P3H2: variants seen among roughly 807,000 people sequenced by gnomAD.
The protein encoded by P3H2 is leprecan-like 1.
In P3H2, 80 loss-of-function variants were observed where a neutral mutation model predicts 87.0. That is an observed-to-expected ratio of 0.92 (90% confidence interval 0.77 to 1.11). P3H2 has a LOEUF of 1.11. Ranked by LOEUF, P3H2 falls within the 50% of genes least tolerant of loss-of-function variation. The probability of loss-of-function intolerance (pLI) is 0.00; values close to 1 mark genes in which losing one functional copy is unlikely to be tolerated. For missense variants in P3H2, 1,001 were observed against 923.9 expected, an observed-to-expected ratio of 1.08 and a Z score of -1.08; for synonymous variants, 367 against 359.3, an observed-to-expected ratio of 1.02 and a Z score of -0.24.
Position 190,119,165 on chromosome 3 carries a change from GGGAGGGGAGAGGAGAGGAGAGGAGA to G in P3H2, c.480+1062_480+1086del, listed in dbSNP as rs1333772638. 6.0e-3 allele frequency among the ~76,000 whole-genome samples: 298 copies of G among 49,902 alleles called. 3 individuals are homozygous for G. Among genetic ancestry groups the G allele is most frequent in the African/African-American group, 0.024 (275 of 11,554 alleles). The allele number at this position is 49,902 out of a possible 152,430, so 32.7% of individuals were successfully genotyped here. ...GGGAGGGGAGGGGAGGGGAGGGGAG[GGGAGGGGAGAGGAGAGGAGAGGAGA>G]GGAGGGGAGAGGAGAGGAGAAAAGA... On this transcript the variant is annotated intron_variant, in intron 1 of 14. Coordinates refer to ENST00000319332, the MANE Select transcript of P3H2 (RefSeq NM_018192.4).
intron 1 of P3H2, among the ~76,000 whole-genome samples, chr3:190,052,980 C>T (rs1726031535): frequency 6.6e-6 from 1 of 152,134 alleles, no homozygotes; most frequent in African/African-American, 2.4e-5. Context: ...TTTTATAAAA[C>T]TTTATATGAA....
intron 14 of P3H2, 163 bp downstream of exon 14, chr3:189,963,795 G>T: frequency 1.4e-6 from 1 of 739,456 alleles, no homozygotes; most frequent in East Asian, 2.5e-5. Context: ...AAATATCATT[G>T]ACACAGCTAT....
At chr3:190,048,141 C>G (rs779573234) in intron 1 of P3H2, among the ~76,000 whole-genome samples, 1 of 152,062 alleles carries the variant, frequency 6.6e-6, no homozygotes, top group Non-Finnish European at 1.5e-5. Context: ...TTTCTTCTCT[C>G]TTTTTAAAAA....
chr3:190,016,321 G>A (rs1291596583), intron 1 of P3H2, among the ~76,000 whole-genome samples: 3 of 151,088 alleles, frequency 2.0e-5, no homozygotes, highest in East Asian at 2.0e-4. Context: ...TCGGCGCACT[G>A]CAACCTCCAC....
intron 2 of P3H2, among the ~76,000 whole-genome samples, chr3:189,995,061 T>A (rs914592023): frequency 6.6e-6 from 1 of 152,052 alleles, no homozygotes; most frequent in African/African-American, 2.4e-5. Flanking sequence ...AAATTTTTAA[T>A]TTTTTAGTTT....
At chr3:190,120,215 G>A in intron 1 of P3H2, 37 bp downstream of exon 1, 1 of 1,598,780 alleles carries the variant, frequency 6.3e-7, no homozygotes, top group Non-Finnish European at 8.5e-7. Context: ...TGTGAGAGCC[G>A]CAGGGGCTTT....
chr3:190,108,076 G>T (rs1395317471), intron 1 of P3H2, among the ~76,000 whole-genome samples: 2 of 151,828 alleles, frequency 1.3e-5, no homozygotes, highest in African/African-American at 4.8e-5. Flanking sequence ...CAAAGTGTTG[G>T]GATTACAGGC....
Position 190,044,444 on chromosome 3 carries a change from T to C in P3H2, c.481-49002A>G, listed in dbSNP as rs765715. Among the ~76,000 whole-genome samples the C allele has an allele frequency of 2.7e-4, 41 of 152,326 alleles. No homozygotes were observed. In the East Asian group the frequency reaches 7.5e-3, roughly 28 times the overall value. On this transcript the variant is annotated intron_variant, in intron 1 of 14. Transcript: ENST00000319332. ...GCAGCTGCCACACCTCTCGCTAGAA[T>C]GCAGTGCACACAGAAAACAGTTCTG...
intron 3 of P3H2, among the ~76,000 whole-genome samples, 192 bp from the exon 4 acceptor site, chr3:189,989,230 C>T (rs1398244844): frequency 3.3e-5 from 5 of 152,176 alleles, no homozygotes; most frequent in Admixed American, 6.5e-5. Context: ...TCCTGGTCAG[C>T]GATCACTAGA....
In P3H2 at chr3:190,120,497, C is replaced by T. The variant is rs962065723; in HGVS notation, c.235G>A (p.Glu79Lys). The change falls in exon 1 of 15, where the codon GAA becomes AAA. Residue 79 changes from glutamate to lysine, a missense_variant. Glu to Lys is a moderately conservative substitution (Grantham distance 56). Coordinates refer to ENST00000319332, the MANE Select transcript of P3H2 (RefSeq NM_018192.4). ...AALRSHRRLR[E>K]IRTRCARHCA... is the part of the protein sequence containing the mutation. ...TGGCGGGCACAGCGCGTGCGGATTT[C>T]CCGCAGGCGCCGGTGGCTGCGCAGC... 3.4e-6 allele frequency: 5 copies of T among 1,461,020 alleles called. No homozygotes were observed. The highest frequency in any genetic ancestry group is 4.5e-6 in the Non-Finnish European group (5 of 1,113,296). The allele number at this position is 1,461,020 out of a possible 1,614,324, so 90.5% of individuals were successfully genotyped here.
Position 189,995,300 on chromosome 3 carries a change from T to G in P3H2, c.623A>C (p.Lys208Thr). 2 of 1,614,118 alleles carry G rather than the reference T, an allele frequency of 1.2e-6. No homozygotes were observed. ...EALQLVDREA[K>T]PHMESYNAGV... ...GCCCACAGAGCTTACCATGTGTGGCTTGGCTTCTCTGTCTACCAACTGCAA... is the reference window on the plus strand; with the variant it reads ...GCCCACAGAGCTTACCATGTGTGGCGTGGCTTCTCTGTCTACCAACTGCAA... The change falls in exon 2 of 15, where the codon AAG becomes ACG. Residue 208 changes from lysine (K) to threonine (T), a missense_variant. Transcript: ENST00000319332.
intron 6 of P3H2, among the ~76,000 whole-genome samples, chr3:189,986,383 G>A (rs1221951019): frequency 6.6e-6 from 1 of 152,094 alleles, no homozygotes; most frequent in Non-Finnish European, 1.5e-5. Context: ...TCAGGAGTCC[G>A]AGACTAGCCT....
chr3:190,013,741 G>A (rs1724667260), intron 1 of P3H2, among the ~76,000 whole-genome samples: 1 of 152,100 alleles, frequency 6.6e-6, no homozygotes, highest in Admixed American at 6.5e-5. Flanking sequence ...TCTTTTACAG[G>A]TCCAGAGAGT....
rs755039988 is a variant in P3H2 at position 189,989,027 on chromosome 3, G to A, written c.835C>T (p.Gln279Ter). 6.2e-7 allele frequency: 1 copy of A among 1,613,980 alleles called. No individual in the cohort carries two copies. The highest frequency in any genetic ancestry group is 1.3e-5 in the African/African-American group (1 of 74,900). ...LYEAIADHYM[Q>*]VLVCQHECVR... ...CATTCATGCTGACAAACAAGCACCT[G>A]CATGTAGTGATCTGGAAGACAAGAG... The change falls in exon 4 of 15, where the codon CAG (glutamine) becomes TAG (stop). Residue 279 changes from glutamine to a stop codon, truncating the protein, a stop_gained. Coordinates refer to ENST00000319332, the MANE Select transcript of P3H2 (RefSeq NM_018192.4). LOFTEE classifies it high-confidence loss of function.
chr3:190,102,600 T>C (rs1456886279), intron 1 of P3H2, among the ~76,000 whole-genome samples: 1 of 152,190 alleles, frequency 6.6e-6, no homozygotes, highest in Admixed American at 6.5e-5. Flanking sequence ...TTCTTAAGGA[T>C]GAGCAAAAAA....
rs929759678 is a variant in P3H2 at position 189,971,739 on chromosome 3, T to C, written c.1817+151A>G. 28 of 663,246 alleles carry C rather than the reference T, an allele frequency of 4.2e-5. No homozygotes were observed. The African/African-American group carries it at 4.5e-4, about 11-fold the overall frequency. The allele number at this position is 663,246 out of a possible 1,614,324, so 41.1% of individuals were successfully genotyped here. A position where few individuals can be genotyped will look rare whatever the true frequency, so the allele number is the denominator to read the frequency against. ...AAAAGTGAGATGATAATGCCACTTA[T>C]TGGTTATGGCAGCTACTTCAGAAGA... On this transcript the variant is annotated intron_variant, in intron 12 of 14. Transcript: ENST00000319332.
intron 1 of P3H2, among the ~76,000 whole-genome samples, chr3:190,059,528 C>T (rs757353549): frequency 7.9e-5 from 12 of 152,084 alleles, no homozygotes; most frequent in Non-Finnish European, 1.6e-4. Flanking sequence ...AATGAGAAAG[C>T]TCTGAACTAC....
intron 13 of P3H2, chr3:189,969,485 T>A (rs1003188615): frequency 1.0e-6 from 1 of 953,322 alleles, no homozygotes; most frequent in Admixed American, 1.7e-5. Flanking sequence ...ATGACTTCCA[T>A]CATAGAGGGA....
rs571474250 is a variant in P3H2 at position 190,104,345 on chromosome 3, C to T, written c.480+15907G>A. Among the ~76,000 whole-genome samples, 14 of 152,238 alleles carry T rather than the reference C, an allele frequency of 9.2e-5. 1 individual carries two copies. The South Asian group carries it at 2.9e-3, about 32-fold the overall frequency. On this transcript the variant is annotated intron_variant, in intron 1 of 14. Coordinates refer to ENST00000319332, the MANE Select transcript of P3H2 (RefSeq NM_018192.4). ...GTCAGCTGGTCCGAGACAGCATGGACTTCCACCCACTCCCCTCCACTCCAG... is the reference window on the plus strand; with the variant it reads ...GTCAGCTGGTCCGAGACAGCATGGATTTCCACCCACTCCCCTCCACTCCAG...
Sources: gnomAD v4.1 joint callset for allele counts (sites outside exome capture counted in the v4.1 genomes callset) on GRCh38, gnomAD v4.1.1 for gene constraint, MANE v1.5 for transcripts, NCBI Gene and HGNC (gene_info 2026-07-23, HGNC 2026-07-21) for gene names.